AIM2: variants seen among roughly 807,000 people sequenced by gnomAD.
AIM2 encodes absent in melanoma 2.
In AIM2, 30 loss-of-function variants were observed where a neutral mutation model predicts 27.7. The ratio of observed to expected loss-of-function variants is 1.08; its 90% CI spans 0.81 to 1.47. AIM2 has a LOEUF of 1.47. Among genes scored for constraint, AIM2 ranks in the 40% most tolerant of loss-of-function variants. AIM2 has a pLI of 0.00. For missense variants in AIM2, 358 were observed against 411.3 expected, an observed-to-expected ratio of 0.87 and a Z score of 1.12; for synonymous variants, 141 against 145.3, an observed-to-expected ratio of 0.97 and a Z score of 0.21.
At chr1:159,086,643 G>A (rs1289177610) in intron 1 of AIM2, among the ~76,000 whole-genome samples, 2 of 152,104 alleles carry the variant, frequency 1.3e-5, no homozygotes, top group African/African-American at 4.8e-5. Context: ...TCATCTCCAG[G>A]ACTTTCCATC....
chr1:159,065,008 C>T (rs550052290), intron 4 of AIM2, among the ~76,000 whole-genome samples: 53 of 152,268 alleles, frequency 3.5e-4, no homozygotes, highest in African/African-American at 1.3e-3. Flanking sequence ...GGATAAAGAA[C>T]ATGACTTTCC....
At chr1:159,130,964 A>C (rs1647857813) in intron 1 of AIM2, among the ~76,000 whole-genome samples, 1 of 152,130 alleles carries the variant, frequency 6.6e-6, no homozygotes, top group African/African-American at 2.4e-5. Flanking sequence ...TCAGTCTCAC[A>C]GACTGCCTGG....
chr1:159,109,787 C>G (rs181039465), intron 1 of AIM2, among the ~76,000 whole-genome samples: 5 of 152,110 alleles, frequency 3.3e-5, no homozygotes, highest in Admixed American at 1.3e-4. Context: ...ATACAAATGG[C>G]CAACAAACAT....
chr1:159,070,589 T>C (rs183528828), intron 2 of AIM2, among the ~76,000 whole-genome samples: 1 of 152,338 alleles, frequency 6.6e-6, no homozygotes, highest in Non-Finnish European at 1.5e-5. Flanking sequence ...ATTTGAACAA[T>C]TCTGGACTGA....
At chr1:159,087,988 A>T (rs1428802660) in intron 1 of AIM2, among the ~76,000 whole-genome samples, 4 of 152,126 alleles carry the variant, frequency 2.6e-5, no homozygotes. Flanking sequence ...TTTTCAGTTT[A>T]TTCTTGCTTC....
chr1:159,073,114 G>T, intron 2 of AIM2, 124 bp downstream of exon 2: 1 of 1,186,786 alleles, frequency 8.4e-7, no homozygotes, highest in Non-Finnish European at 1.2e-6. Flanking sequence ...AGAGACAGGT[G>T]CACTAAGTTA....
intron 1 of AIM2, among the ~76,000 whole-genome samples, chr1:159,098,684 G>A (rs1226734302): frequency 6.6e-6 from 1 of 152,108 alleles, no homozygotes; most frequent in Non-Finnish European, 1.5e-5. Flanking sequence ...TAAGAGATAG[G>A]GATTAGAGAA....
chr1:159,130,263 C>T (rs1647834313), intron 1 of AIM2, among the ~76,000 whole-genome samples: 1 of 152,146 alleles, frequency 6.6e-6, no homozygotes, highest in Admixed American at 6.5e-5. Flanking sequence ...ATTTTACCTT[C>T]TATGAGATAT....
upstream of AIM2, among the ~76,000 whole-genome samples, chr1:159,144,432 G>GA (rs1427280863): frequency 1.3e-5 from 2 of 152,050 alleles, no homozygotes; most frequent in Non-Finnish European, 2.9e-5. Flanking sequence ...TGATAGTGTC[G>GA]ATAATGTCTT....
chr1:159,133,077 G>A (rs933306982), intron 1 of AIM2, among the ~76,000 whole-genome samples: 1 of 152,112 alleles, frequency 6.6e-6, no homozygotes, highest in Non-Finnish European at 1.5e-5. Flanking sequence ...CGGAGGAGCT[G>A]GCCCTCCAGC....
chr1:159,065,332 A>G (rs1656036779), intron 4 of AIM2, among the ~76,000 whole-genome samples: 4 of 152,116 alleles, frequency 2.6e-5, no homozygotes. Flanking sequence ...CCGCCGTGCA[A>G]CCTTCCAAGT....
chr1:159,139,407 C>G (rs1257463882), intron 1 of AIM2, among the ~76,000 whole-genome samples: 1 of 152,150 alleles, frequency 6.6e-6, no homozygotes, highest in Admixed American at 6.5e-5. Flanking sequence ...GTACCCTCCC[C>G]GTATGCTTAG....
intron 1 of AIM2, among the ~76,000 whole-genome samples, chr1:159,120,575 A>G (rs1352264115): frequency 6.6e-6 from 1 of 152,214 alleles, no homozygotes; most frequent in East Asian, 1.9e-4. Context: ...AAAATCCTTC[A>G]TCATTATAAC....
At chr1:159,073,996 G>A (rs1656487103) in intron 1 of AIM2, among the ~76,000 whole-genome samples, 1 of 152,166 alleles carries the variant, frequency 6.6e-6, no homozygotes, top group South Asian at 2.1e-4. Flanking sequence ...CCAAGATCGC[G>A]CCATTGCACT....
At chr1:159,065,692 G>GT (rs1238736146) in intron 4 of AIM2, among the ~76,000 whole-genome samples, 1 of 152,168 alleles carries the variant, frequency 6.6e-6, no homozygotes, top group Non-Finnish European at 1.5e-5. Flanking sequence ...GGCTACTGGG[G>GT]TAAGTTGAAA....
At chr1:159,092,017 G>C (rs1657057388) in intron 1 of AIM2, among the ~76,000 whole-genome samples, 1 of 151,764 alleles carries the variant, frequency 6.6e-6, no homozygotes, top group African/African-American at 2.4e-5. Flanking sequence ...TCAAATTAAG[G>C]AAAAAAACAA....
At chr1:159,119,032 T>C (rs1466891196) in intron 1 of AIM2, among the ~76,000 whole-genome samples, 1 of 152,158 alleles carries the variant, frequency 6.6e-6, no homozygotes, top group Non-Finnish European at 1.5e-5. Flanking sequence ...GCATTACATA[T>C]CTCTCACACC....
chr1:159,101,072 T>A (rs1190896813), intron 1 of AIM2, among the ~76,000 whole-genome samples: 1 of 152,128 alleles, frequency 6.6e-6, no homozygotes, highest in African/African-American at 2.4e-5. Flanking sequence ...CATATACTCA[T>A]ATGATATGGT....
At chr1:159,068,988 C>A (rs181623227) in intron 2 of AIM2, among the ~76,000 whole-genome samples, 31 of 151,966 alleles carry the variant, frequency 2.0e-4, no homozygotes, top group Non-Finnish European at 4.3e-4. Context: ...AAAATATTTT[C>A]AAAATTAGCC....
Sources: gnomAD v4.1 joint callset for allele counts (sites outside exome capture counted in the v4.1 genomes callset) on GRCh38, gnomAD v4.1.1 for gene constraint, MANE v1.5 for transcripts, NCBI Gene and HGNC (gene_info 2026-07-23, HGNC 2026-07-21) for gene names.